EFCAB12: variants seen among roughly 807,000 people sequenced by gnomAD.
EFCAB12 encodes EF-hand calcium binding domain 12.
EFCAB12 carries 43 observed loss-of-function variants against 53.6 expected under a neutral mutation model. The observed-to-expected ratio is 0.80, with a 90% confidence interval of 0.63 to 1.03. The LOEUF is 1.03. Among genes scored for constraint, EFCAB12 ranks in the 50% least tolerant of loss-of-function variants. The pLI is 0.00. For missense variants in EFCAB12, 646 were observed against 730.6 expected (o/e 0.88, Z 1.34); for synonymous variants, 269 against 289.2 (o/e 0.93, Z 0.71).
Position 129,401,515 on chromosome 3 carries a change from CTT to C in EFCAB12, c.*76_*77del. On this transcript the variant is annotated 3_prime_UTR_variant, in exon 9 of 9. Coordinates refer to ENST00000505956, the MANE Select transcript of EFCAB12 (RefSeq NM_207307.3). The stretch of plus-strand genomic sequence containing the variant: ...TTTAGTTTGACTCTTTGACACTCCT[CTT>C]GTGTCTGGGCTCTGGGCCGCTGGCT... 1 of 1,449,228 alleles carries C rather than the reference CTT, an allele frequency of 6.9e-7. No homozygotes were observed. 89.8% of individuals were successfully genotyped at this position (1,449,228 alleles called of 1,614,324 possible).
chr3:129,415,220 G>A, intron 4 of EFCAB12, 25 bp downstream of exon 4: 2 of 1,561,306 alleles, frequency 1.3e-6, no homozygotes, highest in Non-Finnish European at 1.7e-6. Context: ...GGAGGTGGAG[G>A]CACAGGATGG....
At chr3:129,423,234 C>T (rs2072211514) in intron 1 of EFCAB12, among the ~76,000 whole-genome samples, 1 of 152,192 alleles carries the variant, frequency 6.6e-6, no homozygotes, top group Non-Finnish European at 1.5e-5. Context: ...CCTGCTGAGT[C>T]TCAAGTATTT....
chr3:129,419,629 T>C (rs1215225136), intron 2 of EFCAB12, among the ~76,000 whole-genome samples: 1 of 152,224 alleles, frequency 6.6e-6, no homozygotes, highest in Non-Finnish European at 1.5e-5. Context: ...TCCACTGTGT[T>C]AGGATGCAGC....
In EFCAB12 at chr3:129,421,744, C is replaced by A; in HGVS notation, c.109G>T (p.Val37Phe). 1 of 1,613,772 alleles carries A rather than the reference C, an allele frequency of 6.2e-7. No individual in the cohort carries two copies. Among genetic ancestry groups the A allele is most frequent in the Non-Finnish European group, 8.5e-7 (1 of 1,179,864 alleles). ...AACTGCTTGAAGCAGTGGGCAATGACCGGTTCAGGATCAAAGACGGGAGCA... is the reference window on the plus strand; with the variant it reads ...AACTGCTTGAAGCAGTGGGCAATGAACGGTTCAGGATCAAAGACGGGAGCA... The part of the protein sequence containing the change: ...ENAPVFDPEP[V>F]IAHCFKQFQQ... Residue 37 changes from valine (V) to phenylalanine (F), a missense_variant, in exon 2 of 9, where the codon GTC becomes TTC. By Grantham distance (50) the Val-to-Phe change is conservative. Transcript: ENST00000505956.
intron 6 of EFCAB12, among the ~76,000 whole-genome samples, chr3:129,407,079 T>TGG (rs940450787): frequency 1.3e-5 from 2 of 152,112 alleles, no homozygotes; most frequent in Non-Finnish European, 2.9e-5. Context: ...TGTCCATGGG[T>TGG]GGGTGCTAAT....
intron 7 of EFCAB12, chr3:129,403,864 G>T (rs1278636493): frequency 6.3e-6 from 1 of 159,020 alleles, no homozygotes. Context: ...GCTGCAAGGT[G>T]GCAGGGCAGA....
rs770936230 is a variant in EFCAB12 at position 129,404,243 on chromosome 3, ACTCAG to A, written c.1403+2_1403+6del. ...AAGGCAGGGAGAAAGGGGGTCCGAA[ACTCAG>A]CTTGTCAGTCCTCTTAGACTTGCCA... is the stretch of plus-strand genomic sequence containing the variant. On this transcript the variant is annotated splice_donor_variant and splice_donor_5th_base_variant and intron_variant, in intron 7 of 8. Transcript: ENST00000505956. LOFTEE classifies it high-confidence loss of function. 6.2e-7 allele frequency: 1 copy of A among 1,610,796 alleles called. No homozygotes were observed. The highest frequency in any genetic ancestry group is 2.2e-5 in the East Asian group (1 of 44,804).
intron 3 of EFCAB12, 82 bp downstream of exon 3, chr3:129,418,172 G>T: frequency 7.5e-7 from 1 of 1,329,818 alleles, no homozygotes; most frequent in Non-Finnish European, 1.0e-6. Context: ...AGCATGGCGG[G>T]GGAGGGGCGG....
At chr3:129,427,349 C>G (rs2072286463) in intron 1 of EFCAB12, among the ~76,000 whole-genome samples, 1 of 144,858 alleles carries the variant, frequency 6.9e-6, no homozygotes, top group Non-Finnish European at 1.5e-5. Flanking sequence ...GCCCCTTCCC[C>G]CACTAACTGG....
In EFCAB12 at chr3:129,421,431, T is replaced by C. The variant is rs759724226; in HGVS notation, c.422A>G (p.His141Arg). 1.2e-6 allele frequency: 2 copies of C among 1,613,770 alleles called. No individual in the cohort carries two copies. The highest frequency in any genetic ancestry group is 2.2e-5 in the East Asian group (1 of 44,898). Residue 141 changes from histidine to arginine, a missense_variant, in exon 2 of 9, where the codon CAC becomes CGC. By Grantham distance (29) the His-to-Arg change is conservative. Coordinates refer to ENST00000505956, the MANE Select transcript of EFCAB12 (RefSeq NM_207307.3). Reference sequence around the variant, plus strand: ...GGCACTCTGCTCCTCGTGGATCATGTGTAAGACCTTGGCCTCTGAAGGCGT... The same window carrying C: ...GGCACTCTGCTCCTCGTGGATCATGCGTAAGACCTTGGCCTCTGAAGGCGT... ...SITPSEAKVL[H>R]MIHEEQSAQP... is the part of the protein sequence containing the mutation.
In EFCAB12 at chr3:129,428,454, A is replaced by T; in HGVS notation, c.35T>A (p.Phe12Tyr). 6.2e-7 allele frequency: 1 copy of T among 1,610,816 alleles called. No individual in the cohort carries two copies. Among genetic ancestry groups the T allele is most frequent in the Non-Finnish European group, 8.5e-7 (1 of 1,178,478 alleles). ...DDDYEAYHSL[F>Y]LSLLGLCPSK... The stretch of plus-strand genomic sequence containing the variant: ...CCGGGGCTTACCGAGCAGCGACAAG[A>T]ACAGACTGTGGTACGCTTCATAGTC... The change falls in exon 1 of 9, where the codon TTC becomes TAC. Residue 12 changes from phenylalanine (F) to tyrosine (Y), a missense_variant. Physicochemically the swap from Phe to Tyr is conservative, Grantham distance 22. Transcript: ENST00000505956.
chr3:129,421,105 G>C (rs1457882534), intron 2 of EFCAB12, among the ~76,000 whole-genome samples: 1 of 152,260 alleles, frequency 6.6e-6, no homozygotes, highest in Non-Finnish European at 1.5e-5. Flanking sequence ...CTCTGAGCCA[G>C]AGCGACCCAG....
intron 1 of EFCAB12, among the ~76,000 whole-genome samples, chr3:129,423,799 C>T (rs916483929): frequency 1.3e-5 from 2 of 152,164 alleles, no homozygotes; most frequent in Non-Finnish European, 2.9e-5. Flanking sequence ...CTCACCCCTA[C>T]CAGCCTCTCC....
chr3:129,408,655 G>A lies in EFCAB12; in HGVS notation c.1239C>T (p.Ile413=). The A allele has an allele frequency of 1.3e-6, 2 of 1,571,444 alleles. No individual in the cohort carries two copies. The highest frequency in any genetic ancestry group is 1.3e-5 in the African/African-American group (1 of 74,098). The part of the protein sequence containing the change: ...KSYGLPLTED[I]LMKALLYPGD... ...TACCGAGGCCCTTACCTTTCATGAGGATGTCCTCTGTCAGCGGGAGGCCAT... is the reference window on the plus strand; with the variant it reads ...TACCGAGGCCCTTACCTTTCATGAGAATGTCCTCTGTCAGCGGGAGGCCAT... Residue 413 remains isoleucine, a synonymous_variant, in exon 6 of 9, where the codon ATC becomes ATT. Coordinates refer to ENST00000505956, the MANE Select transcript of EFCAB12 (RefSeq NM_207307.3).
rs982513879 is a variant in EFCAB12 at position 129,411,063 on chromosome 3, G to A, written c.1035+95C>T. 1.0e-5 allele frequency: 14 copies of A among 1,390,930 alleles called. No homozygotes were observed. The African/African-American group carries it at 1.9e-4, about 19-fold the overall frequency. The allele number at this position is 1,390,930 out of a possible 1,614,324, so 86.2% of individuals were successfully genotyped here. On this transcript the variant is annotated intron_variant, in intron 5 of 8. Transcript: ENST00000505956. ...GTAGAGGCGAAGACCCCCCTCCCCA[G>A]GGTTCTGCAGCCAGCGGGTGGTGCT...
chr3:129,418,611 A>G (rs1205894979), intron 2 of EFCAB12, 163 bp from the exon 3 acceptor site: 1 of 516,166 alleles, frequency 1.9e-6, no homozygotes, highest in East Asian at 3.3e-5. Flanking sequence ...TGGCCACAAA[A>G]TGCCTGGGAG....
chr3:129,420,430 T>C (rs922094386), intron 2 of EFCAB12, among the ~76,000 whole-genome samples: 15 of 152,156 alleles, frequency 9.9e-5, no homozygotes, highest in African/African-American at 3.6e-4. Flanking sequence ...CCCAAGGAAA[T>C]GTCACAGAGA....
chr3:129,416,442 CAA>C (rs1018919097), intron 3 of EFCAB12, among the ~76,000 whole-genome samples: 47 of 151,852 alleles, frequency 3.1e-4, no homozygotes, highest in Admixed American at 7.2e-4. Flanking sequence ...AACAAACAAA[CAA>C]ACAAAAAAAT....
At chr3:129,410,093 G>A (rs2072015598) in intron 5 of EFCAB12, among the ~76,000 whole-genome samples, 2 of 151,544 alleles carry the variant, frequency 1.3e-5, no homozygotes, top group African/African-American at 4.9e-5. Flanking sequence ...CTGCAGCCTT[G>A]GCCTCCCAGG....
Sources: allele counts gnomAD v4.1 joint callset (sites outside exome capture counted in the v4.1 genomes callset), GRCh38; gene constraint gnomAD v4.1.1; transcripts MANE v1.5; gene names NCBI Gene and HGNC (gene_info 2026-07-23, HGNC 2026-07-21).